The following ACAP3 variants were observed in gnomAD, a reference collection of about 807,000 sequenced individuals.
ACAP3 encodes arf-GAP with coiled-coil, ANK repeat and PH domain-containing protein 3.
Under a neutral mutation model 104.1 loss-of-function variants are expected in ACAP3, and 56 were observed. The ratio of observed to expected loss-of-function variants is 0.54; its 90% CI spans 0.43 to 0.67. ACAP3 has a LOEUF of 0.67. Ranked by LOEUF, ACAP3 falls within the 30% of genes least tolerant of loss-of-function variation. The pLI, the probability that ACAP3 is intolerant of heterozygous loss-of-function variation, is 0.00. For missense variants in ACAP3, 1,208 were observed against 1,174.9 expected (o/e 1.03, Z -0.41); for synonymous variants, 628 against 496.2 (o/e 1.27, Z -3.53).
chr1:1,298,503 AC>A (rs1641298906), intron 11 of ACAP3, 63 bp downstream of exon 11: 4 of 306,516 alleles, frequency 1.3e-5, no homozygotes, highest in Admixed American at 1.5e-4. Context: ...TGAGGACCCC[AC>A]CCCCGCCTGA....
rs754359243 is a variant in ACAP3 at position 1,293,940 on chromosome 1, G to A, written c.2250-7C>T. ...CAGGAACAGGCAAACCTGGCTGAGGGGCGAGGTCGGAGGGGCGTGTCGGGG... is the reference window on the plus strand; with the variant it reads ...CAGGAACAGGCAAACCTGGCTGAGGAGCGAGGTCGGAGGGGCGTGTCGGGG... On this transcript the variant is annotated splice_region_variant and splice_polypyrimidine_tract_variant and intron_variant, in intron 22 of 23. Coordinates refer to ENST00000354700, the MANE Select transcript of ACAP3 (RefSeq NM_030649.3). The A allele has an allele frequency of 1.7e-5, 26 of 1,573,090 alleles. No homozygotes were observed. Among genetic ancestry groups the A allele is most frequent in the Middle Eastern group, 1.7e-4 (1 of 5,932 alleles).
intron 1 of ACAP3, chr1:1,307,309 A>G: frequency 7.8e-7 from 1 of 1,289,104 alleles, no homozygotes; most frequent in Non-Finnish European, 1.0e-6. Context: ...GGGTCATTCA[A>G]ACCACTTCAC....
In ACAP3 at chr1:1,303,963, G is replaced by T; in HGVS notation, c.105+123C>A. The T allele has an allele frequency of 1.7e-6, 2 of 1,177,462 alleles. No homozygotes were observed. Among genetic ancestry groups the T allele is most frequent in the Non-Finnish European group, 2.4e-6 (2 of 830,114 alleles). 72.9% of individuals were successfully genotyped at this position (1,177,462 alleles called of 1,614,324 possible). On this transcript the variant is annotated intron_variant, in intron 2 of 23. Coordinates refer to ENST00000354700, the MANE Select transcript of ACAP3 (RefSeq NM_030649.3). This position sits in a 1 kb window ranked among gnomAD's most constrained non-coding sequence, Gnocchi z 4.0. ...TAAGACACAGGGACCAGGACCTGGAGCACCACACGCATGCTCCACATATGG... is the reference window on the plus strand; with the variant it reads ...TAAGACACAGGGACCAGGACCTGGATCACCACACGCATGCTCCACATATGG...
At chr1:1,294,020 G>A (rs997092616) in intron 22 of ACAP3, 70 bp downstream of exon 22, 60 of 1,477,086 alleles carry the variant, frequency 4.1e-5, no homozygotes, top group Non-Finnish European at 5.0e-5. Flanking sequence ...AGGGCATGGC[G>A]GACAGGGCGT....
chr1:1,303,466 T>TGG lies in ACAP3; in HGVS notation c.106-187_106-186dup. On this transcript the variant is annotated intron_variant, in intron 2 of 23. Transcript: ENST00000354700. This position sits in a 1 kb window ranked among gnomAD's most constrained non-coding sequence, Gnocchi z 4.0. Reference sequence around the variant, plus strand: ...CCTGCCTGGGGCTTGGAGGCCCGTCTGGGAGGGGAGGGTGGGGCCGCCACG... The same window carrying TGG: ...CCTGCCTGGGGCTTGGAGGCCCGTCTGGGGGAGGGGAGGGTGGGGCCGCCACG... The TGG allele has an allele frequency of 3.1e-6, 1 of 317,910 alleles. No individual in the cohort carries two copies. Among genetic ancestry groups the TGG allele is most frequent in the Non-Finnish European group, 6.2e-6 (1 of 160,528 alleles). The allele number at this position is 317,910 out of a possible 1,614,324, so 19.7% of individuals were successfully genotyped here.
intron 1 of ACAP3, chr1:1,304,652 CT>C (rs1188947252): frequency 6.3e-6 from 1 of 159,818 alleles, no homozygotes; most frequent in Admixed American, 6.1e-5. Context: ...CCCAGACCAG[CT>C]GGGGAGAGAC....
Position 1,298,071 on chromosome 1 carries a change from C to A in ACAP3, c.958G>T (p.Val320Leu). ...VVVDDLRLCS[V>L]KPCEDIERRF... ...CGCTCGATGTCCTCACACGGCTTCA[C>A]AGAGCACAGGCGGAGGTCATCCACC... Residue 320 changes from valine to leucine, a missense_variant, in exon 13 of 24, where the codon GTG becomes TTG. Coordinates refer to ENST00000354700, the MANE Select transcript of ACAP3 (RefSeq NM_030649.3). 1 of 1,610,982 alleles carries A rather than the reference C, an allele frequency of 6.2e-7. No homozygotes were observed. The highest frequency in any genetic ancestry group is 8.5e-7 in the Non-Finnish European group (1 of 1,179,150).
At chr1:1,298,760 G>T in intron 10 of ACAP3, 81 bp from the exon 11 acceptor site, 1 of 1,091,010 alleles carries the variant, frequency 9.2e-7, no homozygotes, top group Non-Finnish European at 1.4e-6. Context: ...CACAGGTGGG[G>T]GTGAGGTCCT....
Position 1,294,108 on chromosome 1 carries a change from G to T in ACAP3, c.2231C>A (p.Thr744Lys). ...SRGRAPLHHATLLGRTGQVCL... is the reference protein window; with the variant it reads ...SRGRAPLHHAKLLGRTGQVCL... ...GTCTCACCCGGTGCGGCCCAGCAGCGTGGCGTGGTGCAGGGGCGCCCGGCC... is the reference window on the plus strand; with the variant it reads ...GTCTCACCCGGTGCGGCCCAGCAGCTTGGCGTGGTGCAGGGGCGCCCGGCC... Residue 744 changes from threonine (T) to lysine (K), a missense_variant, in exon 22 of 24, where the codon ACG (threonine) becomes AAG (lysine). Thr to Lys is a moderately conservative substitution (Grantham distance 78). Coordinates refer to ENST00000354700, the MANE Select transcript of ACAP3 (RefSeq NM_030649.3). The T allele has an allele frequency of 6.3e-7, 1 of 1,582,630 alleles. No homozygotes were observed. The highest frequency in any genetic ancestry group is 8.6e-7 in the Non-Finnish European group (1 of 1,164,442).
At chr1:1,296,140 T>C (rs1641134706) in intron 16 of ACAP3, 31 bp from the exon 17 acceptor site, 20 of 1,611,532 alleles carry the variant, frequency 1.2e-5, no homozygotes, top group Non-Finnish European at 1.7e-5. Context: ...CAGGCATCAG[T>C]GCGAACCTGC....
intron 1 of ACAP3, chr1:1,307,186 AC>A: frequency 7.8e-7 from 1 of 1,287,514 alleles, no homozygotes; most frequent in Non-Finnish European, 1.0e-6. Context: ...GCAGGTGTAC[AC>A]GCCTGCACGC....
Position 1,296,535 on chromosome 1 carries a change from C to T in ACAP3, c.1227G>A (p.Val409=). The T allele has an allele frequency of 6.5e-7, 1 of 1,539,906 alleles. No homozygotes were observed. The highest frequency in any genetic ancestry group is 8.7e-7 in the Non-Finnish European group (1 of 1,146,696). ...GVKGESVLQR[V]QSVAGNSQCG... The stretch of plus-strand genomic sequence containing the variant: ...ACTGGCTGTTGCCGGCCACACTCTG[C>T]ACACGCTGCAGCACACTCTCGCCCT... Residue 409 remains valine, a synonymous_variant, in exon 15 of 24, where the codon GTG becomes GTA. Transcript: ENST00000354700.
chr1:1,298,205 CTG>C, intron 12 of ACAP3, 92 bp from the exon 13 acceptor site: 1 of 1,564,250 alleles, frequency 6.4e-7, no homozygotes, highest in South Asian at 1.2e-5. Context: ...CGGAGGCCGA[CTG>C]CCTGAGCCCC....
At chr1:1,298,454 G>T in intron 11 of ACAP3, 33 bp from the exon 12 acceptor site, 1 of 1,595,184 alleles carries the variant, frequency 6.3e-7, no homozygotes, top group Non-Finnish European at 8.5e-7. Flanking sequence ...GGAGTCAGGC[G>T]GGGCCCATCC....
Position 1,293,483 on chromosome 1 carries a change from G to A in ACAP3, c.*81C>T, listed in dbSNP as rs1360009161. On this transcript the variant is annotated 3_prime_UTR_variant, in exon 24 of 24. Coordinates refer to ENST00000354700, the MANE Select transcript of ACAP3 (RefSeq NM_030649.3). ...CGACCCGCGGGTCACACGCAGGGCC[G>A]CGGCCGGGTGGGCGCCAGGGACTTC... The A allele has an allele frequency of 6.6e-5, 86 of 1,309,732 alleles. No homozygotes were observed. The highest frequency in any genetic ancestry group is 2.9e-4 in the Middle Eastern group (1 of 3,446). The allele number at this position is 1,309,732 out of a possible 1,614,324, so 81.1% of individuals were successfully genotyped here.
Position 1,293,727 on chromosome 1 carries a change from T to C in ACAP3, c.2361-19A>G. 1.2e-6 allele frequency: 1 copy of C among 826,110 alleles called. No individual in the cohort carries two copies. Among genetic ancestry groups the C allele is most frequent in the Non-Finnish European group, 1.4e-6 (1 of 725,120 alleles). 51.2% of individuals were successfully genotyped at this position (826,110 alleles called of 1,614,324 possible). On this transcript the variant is annotated intron_variant, in intron 23 of 23. Coordinates refer to ENST00000354700, the MANE Select transcript of ACAP3 (RefSeq NM_030649.3). ...ACGGAGCCTACGGGGAGGCACAGCG[T>C]GAGACGCCCCTGCCCTGGAGGCCCC...
Position 1,304,477 on chromosome 1 carries a change from G to A in ACAP3, c.48-334C>T, listed in dbSNP as rs568039200. The A allele has an allele frequency of 7.8e-4, 363 of 463,338 alleles. 2 individuals are homozygous for A. Among genetic ancestry groups the A allele is most frequent in the African/African-American group, 6.6e-3 (332 of 50,656 alleles). 28.7% of individuals were successfully genotyped at this position (463,338 alleles called of 1,614,324 possible). ...GCCAGCCTCACCCGCCTCTCCTCTA[G>A]GAGTTCAGAGTCAACCCTGGACCCA... On this transcript the variant is annotated intron_variant, in intron 1 of 23. Transcript: ENST00000354700.
chr1:1,299,535 G>T, intron 9 of ACAP3, 179 bp from the exon 10 acceptor site: 1 of 837,116 alleles, frequency 1.2e-6, no homozygotes, highest in Non-Finnish European at 1.8e-6. Flanking sequence ...CCTCTGCCCG[G>T]GATGGTGGCC....
Position 1,301,995 on chromosome 1 carries a change from C to T in ACAP3, c.331G>A (p.Val111Ile). 6 of 1,572,310 alleles carry T rather than the reference C, an allele frequency of 3.8e-6. No individual in the cohort carries two copies. The highest frequency in any genetic ancestry group is 5.2e-6 in the Non-Finnish European group (6 of 1,157,942). ...GCCCTGGGGGCCACTCACTCTTTGA[C>T]AAAGCTCTGGAGCTGCTGCCGCACG... Reference protein sequence around the residue: ...RSVRQQLQSFVKEDVRKFKET... With the variant: ...RSVRQQLQSFIKEDVRKFKET... Residue 111 changes from valine (V) to isoleucine (I), a missense_variant, in exon 5 of 24, where the codon GTC (valine) becomes ATC (isoleucine). Coordinates refer to ENST00000354700, the MANE Select transcript of ACAP3 (RefSeq NM_030649.3).
Sources: allele counts gnomAD v4.1 joint callset, GRCh38; gene constraint gnomAD v4.1.1; non-coding constraint Gnocchi (gnomAD v3.1); transcripts MANE v1.5; gene names NCBI Gene and HGNC (gene_info 2026-07-23, HGNC 2026-07-21).